The following CDH12 variants were observed in gnomAD, a reference collection of about 807,000 sequenced individuals.
CDH12 encodes cadherin 12, also known as cadherin-12.
Under a neutral mutation model 74.1 loss-of-function variants are expected in CDH12, and 41 were observed. The ratio of observed to expected loss-of-function variants is 0.55; its 90% CI spans 0.43 to 0.72. CDH12 has a LOEUF of 0.72. Ranked by LOEUF, CDH12 falls within the 30% of genes least tolerant of loss-of-function variation. CDH12 has a pLI of 0.00. For missense variants in CDH12, 945 were observed against 977.2 expected, an observed-to-expected ratio of 0.97 and a Z score of 0.44; for synonymous variants, 399 against 355.0, an observed-to-expected ratio of 1.12 and a Z score of -1.39.
At chr5:22,754,610 A>G (rs761424807) in intron 1 of CDH12, among the ~76,000 whole-genome samples, 180 of 151,592 alleles carry the variant, frequency 1.2e-3, no homozygotes, top group Non-Finnish European at 2.2e-3. Context: ...GAAGCCTGAG[A>G]AGATGAGAGA....
At chr5:21,905,912 CTGTT>C (rs1753620967) in intron 6 of CDH12, among the ~76,000 whole-genome samples, 1 of 152,044 alleles carries the variant, frequency 6.6e-6, no homozygotes, top group African/African-American at 2.4e-5. Flanking sequence ...TAACTTTCTT[CTGTT>C]TGTTTCTAAA....
At chr5:22,742,938 G>T (rs1306124510) in intron 1 of CDH12, among the ~76,000 whole-genome samples, 1 of 151,772 alleles carries the variant, frequency 6.6e-6, no homozygotes, top group Non-Finnish European at 1.5e-5. Context: ...TAAATGGAAA[G>T]ACTGGGTGAG....
chr5:21,919,049 A>C (rs6871014), intron 6 of CDH12, among the ~76,000 whole-genome samples: 3,147 of 152,258 alleles, frequency 0.021, 96 homozygotes, highest in African/African-American at 0.07. Flanking sequence ...TAAATGTCAA[A>C]TTTGACTAAA....
At chr5:22,102,272 A>AT (rs554544047) in intron 4 of CDH12, among the ~76,000 whole-genome samples, 2 of 152,236 alleles carry the variant, frequency 1.3e-5, no homozygotes, top group East Asian at 3.9e-4. Context: ...ACCAGCATTT[A>AT]TTTTTTGTAA....
At chr5:22,544,484 T>A (rs536323299) in intron 1 of CDH12, among the ~76,000 whole-genome samples, 57 of 152,242 alleles carry the variant, frequency 3.7e-4, no homozygotes, top group African/African-American at 1.3e-3. Context: ...TATTAGAATC[T>A]CAGATCATCC....
chr5:22,352,189 C>T (rs17271672), intron 3 of CDH12, among the ~76,000 whole-genome samples: 65,950 of 151,244 alleles, frequency 0.44, 15,862 homozygotes, highest in Non-Finnish European at 0.54. Context: ...TCCAGCTCTC[C>T]TTTAAGTTCT....
At chr5:22,109,616 A>G (rs1744696262) in intron 4 of CDH12, among the ~76,000 whole-genome samples, 1 of 152,226 alleles carries the variant, frequency 6.6e-6, no homozygotes, top group African/African-American at 2.4e-5. Flanking sequence ...TAAGCACTTT[A>G]CAGTCCTTAA....
At position 21,760,656 on chromosome 5, in the gene CDH12, G is replaced by A; in HGVS notation, c.1535C>T (p.Ala512Val). The A allele has an allele frequency of 1.2e-6, 2 of 1,600,934 alleles. No individual in the cohort carries two copies. Among genetic ancestry groups the A allele is most frequent in the Non-Finnish European group, 1.7e-6 (2 of 1,168,760 alleles). Residue 512 changes from alanine (A) to valine (V), a missense_variant, in exon 13 of 15, where the codon GCT (alanine) becomes GTT (valine). By Grantham distance (64) the Ala-to-Val change is moderately conservative. Coordinates refer to ENST00000382254, the MANE Select transcript of CDH12 (RefSeq NM_004061.5). ...AGCAGGTGAAAGATCTCGGTCTGCA[G>A]CACTGACTATCTGAATTATCTGCAA... is the stretch of plus-strand genomic sequence containing the variant. ...KPGQIIQIVSAADRDLSPAGQ... is the reference protein window; with the variant it reads ...KPGQIIQIVSVADRDLSPAGQ...
At chr5:21,878,844 AGG>A (rs1259002599) in intron 6 of CDH12, among the ~76,000 whole-genome samples, 22 of 150,770 alleles carry the variant, frequency 1.5e-4, no homozygotes, top group African/African-American at 5.1e-4. Context: ...AAAGAAAGAG[AGG>A]GAGAGAGAGA....
chr5:22,112,673 A>T (rs1744881419), intron 4 of CDH12, among the ~76,000 whole-genome samples: 1 of 152,160 alleles, frequency 6.6e-6, no homozygotes, highest in African/African-American at 2.4e-5. Context: ...AGCAAAGCTG[A>T]ATCAATATAT....
intron 1 of CDH12, among the ~76,000 whole-genome samples, chr5:22,807,722 GT>G (rs1748888884): frequency 6.6e-6 from 1 of 152,142 alleles, no homozygotes; most frequent in Admixed American, 6.5e-5. Flanking sequence ...AAGTACTTGT[GT>G]ATATAAACAT....
chr5:21,809,511 A>G (rs1747628351), intron 9 of CDH12, among the ~76,000 whole-genome samples: 1 of 152,148 alleles, frequency 6.6e-6, no homozygotes, highest in Admixed American at 6.6e-5. Context: ...CTAAACATAT[A>G]CTATGATTTA....
At position 21,833,249 on chromosome 5, in the gene CDH12, ATATT is replaced by A. The variant is rs1749262096; in HGVS notation, c.814+8908_814+8911del. On this transcript the variant is annotated intron_variant, in intron 8 of 14. Transcript: ENST00000382254. The stretch of plus-strand genomic sequence containing the variant: ...TTATATAACATATAATATATATTAT[ATATT>A]ATATAACATATAATATATATTATAT... Among the ~76,000 whole-genome samples the A allele has an allele frequency of 6.9e-5, 3 of 43,778 alleles. 1 individual carries two copies. Among genetic ancestry groups the A allele is most frequent in the Non-Finnish European group, 9.7e-5 (3 of 30,974 alleles). 28.7% of individuals were successfully genotyped at this position (43,778 alleles called of 152,430 possible).
At chr5:21,982,578 A>G (rs1222362254) in intron 5 of CDH12, among the ~76,000 whole-genome samples, 1 of 151,184 alleles carries the variant, frequency 6.6e-6, no homozygotes, top group African/African-American at 2.4e-5. Flanking sequence ...GGATACATCT[A>G]TATATAGAGA....
intron 1 of CDH12, among the ~76,000 whole-genome samples, chr5:22,583,418 C>G (rs558857933): frequency 6.6e-6 from 1 of 152,066 alleles, no homozygotes; most frequent in South Asian, 2.1e-4. Flanking sequence ...TATTTACATA[C>G]AGAAAAGAGA....
intron 1 of CDH12, among the ~76,000 whole-genome samples, chr5:22,544,975 A>C (rs1260203961): frequency 8.6e-6 from 1 of 116,236 alleles, no homozygotes; most frequent in Admixed American, 1.4e-4. Context: ...AGATGTGGCA[A>C]AAAAAAAGAC....
intron 3 of CDH12, among the ~76,000 whole-genome samples, chr5:22,378,378 G>A (rs1368131324): frequency 6.6e-6 from 1 of 151,988 alleles, no homozygotes; most frequent in Non-Finnish European, 1.5e-5. Flanking sequence ...TTTTGGTTTG[G>A]TTAATGATGA....
intron 1 of CDH12, among the ~76,000 whole-genome samples, chr5:22,525,365 A>C (rs1207626537): frequency 6.6e-6 from 1 of 152,182 alleles, no homozygotes; most frequent in East Asian, 1.9e-4. Flanking sequence ...AGAATGGGAC[A>C]GGGGATATTG....
At chr5:22,272,561 T>G (rs1736444518) in intron 3 of CDH12, among the ~76,000 whole-genome samples, 1 of 152,216 alleles carries the variant, frequency 6.6e-6, no homozygotes, top group Non-Finnish European at 1.5e-5. Flanking sequence ...CCTTTCTCAT[T>G]AAGCTTAACC....
Sources: allele counts gnomAD v4.1 joint callset (sites outside exome capture counted in the v4.1 genomes callset), GRCh38; gene constraint gnomAD v4.1.1; transcripts MANE v1.5; gene names NCBI Gene and HGNC (gene_info 2026-07-23, HGNC 2026-07-21).